AGBL4: variants seen among roughly 807,000 people sequenced by gnomAD.
The protein encoded by AGBL4 is cytosolic carboxypeptidase 6.
In AGBL4, 58 loss-of-function variants were observed where a neutral mutation model predicts 66.4. The ratio of observed to expected loss-of-function variants is 0.87; its 90% confidence interval spans 0.71 to 1.09. AGBL4 has a LOEUF of 1.09. AGBL4 is among the 50% of genes least tolerant of loss of function. The probability of loss-of-function intolerance (pLI) is 0.00; values close to 1 mark genes in which losing one functional copy is unlikely to be tolerated. For synonymous variants in AGBL4, 234 were observed against 222.9 expected (o/e 1.05, Z -0.44); for missense variants, 579 against 631.0 (o/e 0.92, Z 0.88).
intron 10 of AGBL4, among the ~76,000 whole-genome samples, chr1:48,587,677 C>G (rs952979881): frequency 6.6e-6 from 1 of 151,448 alleles, no homozygotes; most frequent in Non-Finnish European, 1.5e-5. Context: ...AAGTCTCGCT[C>G]TGTCACCCAG....
At chr1:49,271,797 T>C (rs936761738) in intron 3 of AGBL4, among the ~76,000 whole-genome samples, 1 of 152,168 alleles carries the variant, frequency 6.6e-6, no homozygotes, top group African/African-American at 2.4e-5. Flanking sequence ...CAGAAAAAGG[T>C]ACCCCTTCAC....
At chr1:49,540,347 T>C (rs772923518) in intron 3 of AGBL4, among the ~76,000 whole-genome samples, 24 of 152,232 alleles carry the variant, frequency 1.6e-4, no homozygotes, top group Non-Finnish European at 3.1e-4. Context: ...ATATACTATT[T>C]ATTCTTCAAA....
intron 11 of AGBL4, among the ~76,000 whole-genome samples, chr1:48,570,344 C>T (rs148492113): frequency 4.6e-5 from 7 of 152,330 alleles, no homozygotes; most frequent in South Asian, 2.1e-4. Context: ...GCCACAGCTT[C>T]GCAGTCTGCT....
At chr1:49,797,770 T>C (rs943108341) in intron 2 of AGBL4, among the ~76,000 whole-genome samples, 1 of 152,068 alleles carries the variant, frequency 6.6e-6, no homozygotes, top group African/African-American at 2.4e-5. Context: ...TTTCTTTTTT[T>C]TTTCTTTTCT....
intron 2 of AGBL4, among the ~76,000 whole-genome samples, chr1:49,802,661 C>T (rs1242952345): frequency 1.3e-5 from 2 of 152,206 alleles, no homozygotes; most frequent in African/African-American, 2.4e-5. Context: ...TAACCTACCC[C>T]CGCCCTCACT....
At chr1:49,293,242 G>A (rs1050063411) in intron 3 of AGBL4, among the ~76,000 whole-genome samples, 111 of 152,246 alleles carry the variant, frequency 7.3e-4, no homozygotes, top group African/African-American at 2.6e-3. Context: ...TGCAGTGGTC[G>A]GACTCCATGC....
chr1:49,194,567 T>C (rs537289860), intron 4 of AGBL4, among the ~76,000 whole-genome samples: 2 of 152,220 alleles, frequency 1.3e-5, no homozygotes, highest in Non-Finnish European at 2.9e-5. Flanking sequence ...TTAATTGTTA[T>C]CTAATATTTT....
At chr1:48,923,053 A>C (rs1654225985) in intron 5 of AGBL4, among the ~76,000 whole-genome samples, 2 of 145,234 alleles carry the variant, frequency 1.4e-5, no homozygotes, top group Admixed American at 6.8e-5. Flanking sequence ...AAAATCTTCT[A>C]TAATGGATAT....
chr1:48,905,417 A>C (rs761741552), intron 5 of AGBL4, among the ~76,000 whole-genome samples: 2 of 152,254 alleles, frequency 1.3e-5, no homozygotes, highest in Non-Finnish European at 2.9e-5. Context: ...GAAATCATTG[A>C]GAATAAATAC....
intron 3 of AGBL4, 105 bp from the exon 4 acceptor site, chr1:49,245,969 C>A: frequency 1.3e-6 from 1 of 790,106 alleles, no homozygotes. Flanking sequence ...GCCATATGGA[C>A]TAGCAGGCAA....
At position 49,206,308 on chromosome 1, in the gene AGBL4, TAAAACA is replaced by T. The variant is rs557708762; in HGVS notation, c.377+39456_377+39461del. Among the ~76,000 whole-genome samples the T allele has an allele frequency of 9.2e-5, 14 of 151,952 alleles. No individual in the cohort carries two copies. In the South Asian group the frequency reaches 1.2e-3, roughly 13 times the overall value. ...GAATTACAACAACTGGTTCTGAAAT[TAAAACA>T]AAAACAAAAACAAAACAAAACAAAA... On this transcript the variant is annotated intron_variant, in intron 4 of 13. Transcript: ENST00000371839.
intron 11 of AGBL4, among the ~76,000 whole-genome samples, chr1:48,553,214 T>G (rs1474999535): frequency 1.3e-5 from 2 of 152,092 alleles, no homozygotes; most frequent in African/African-American, 2.4e-5. Context: ...GAATCAGCTG[T>G]GCCTGCCCAG....
chr1:49,271,554 G>A (rs969643953), intron 3 of AGBL4, among the ~76,000 whole-genome samples: 7 of 113,176 alleles, frequency 6.2e-5, no homozygotes, highest in Admixed American at 3.5e-4. Context: ...ACACACACAC[G>A]TACATATACA....
chr1:48,667,787 T>G (rs1025848229), intron 6 of AGBL4, among the ~76,000 whole-genome samples: 4 of 152,202 alleles, frequency 2.6e-5, no homozygotes, highest in African/African-American at 9.7e-5. Flanking sequence ...TTTGGCCAGT[T>G]ATTATGGATC....
intron 3 of AGBL4, among the ~76,000 whole-genome samples, chr1:49,441,228 A>T (rs1375653465): frequency 2.0e-5 from 3 of 152,206 alleles, no homozygotes; most frequent in Non-Finnish European, 4.4e-5. Context: ...TCTAATTCAT[A>T]TAAACAGAAA....
At chr1:49,411,131 C>T (rs1645306219) in intron 3 of AGBL4, among the ~76,000 whole-genome samples, 1 of 152,184 alleles carries the variant, frequency 6.6e-6, no homozygotes, top group Admixed American at 6.5e-5. Context: ...GTAGGGAAGT[C>T]AACAGTGCAG....
chr1:49,072,709 G>A (rs1036159836), intron 4 of AGBL4, among the ~76,000 whole-genome samples: 33 of 152,054 alleles, frequency 2.2e-4, no homozygotes, highest in African/African-American at 7.0e-4. Context: ...TGAACCTGAC[G>A]ATTATGTGTC....
chr1:49,464,438 A>G (rs975728535), intron 3 of AGBL4, among the ~76,000 whole-genome samples: 10 of 151,828 alleles, frequency 6.6e-5, no homozygotes, highest in Middle Eastern at 3.2e-3. Context: ...ATAACGGAGG[A>G]AGCCTTTGTG....
At chr1:49,079,167 C>T (rs547328784) in intron 4 of AGBL4, among the ~76,000 whole-genome samples, 1 of 152,288 alleles carries the variant, frequency 6.6e-6, no homozygotes, top group South Asian at 2.1e-4. Context: ...CCCAAACAAA[C>T]ATGAATATTA....
Sources: gnomAD v4.1 joint callset for allele counts (sites outside exome capture counted in the v4.1 genomes callset) on GRCh38, gnomAD v4.1.1 for gene constraint, MANE v1.5 for transcripts, NCBI Gene and HGNC (gene_info 2026-07-23, HGNC 2026-07-21) for gene names.